ACADM: variants seen among roughly 807,000 people sequenced by gnomAD.
ACADM encodes the protein medium-chain specific acyl-CoA dehydrogenase, mitochondrial.
In ACADM, 49 loss-of-function variants were observed where a neutral mutation model predicts 58.9. The observed-to-expected ratio is 0.83, with a 90% CI of 0.66 to 1.06. The LOEUF (loss-of-function observed/expected upper bound fraction) is 1.06. ACADM is among the 50% of genes least tolerant of loss of function. ACADM has a pLI of 0.00. For synonymous variants in ACADM, 160 were observed against 157.7 expected (o/e 1.01, Z -0.11); for missense variants, 496 against 507.0 (o/e 0.98, Z 0.21).
At chr1:75,762,530 T>C (rs1323272726) in intron 11 of ACADM, among the ~76,000 whole-genome samples, 162 bp from the exon 12 acceptor site, 1 of 152,170 alleles carries the variant, frequency 6.6e-6, no homozygotes, top group Non-Finnish European at 1.5e-5. Context: ...TTTCAGACTT[T>C]CACAAAATCA....
intron 10 of ACADM, among the ~76,000 whole-genome samples, chr1:75,760,828 A>G (rs904752264): frequency 1.4e-4 from 21 of 152,320 alleles, no homozygotes; most frequent in African/African-American, 4.6e-4. Context: ...GTTCTCGATC[A>G]TGGCACTATG....
intron 11 of ACADM, 173 bp downstream of exon 11, chr1:75,761,543 G>T (rs955208153): frequency 4.5e-5 from 32 of 710,828 alleles, no homozygotes; most frequent in Admixed American, 1.7e-4. Context: ...TGTTATTTGT[G>T]ATTAAGTATA....
At chr1:75,743,846 A>G (rs1647728369) in intron 7 of ACADM, 2 of 1,408,928 alleles carry the variant, frequency 1.4e-6, no homozygotes, top group Middle Eastern at 1.8e-4. Flanking sequence ...TAATCCCTAT[A>G]TACCACCTCT....
At chr1:75,743,623 A>T in intron 7 of ACADM, 1 of 1,550,832 alleles carries the variant, frequency 6.4e-7, no homozygotes, top group South Asian at 1.1e-5. Context: ...GGGGGTTGAT[A>T]ATGGGTGTTC....
intron 5 of ACADM, chr1:75,734,487 C>T: frequency 5.7e-6 from 2 of 353,634 alleles, no homozygotes; most frequent in Non-Finnish European, 1.1e-5. Flanking sequence ...ACAAGCAATT[C>T]TTAGGCCTGA....
At chr1:75,729,294 T>TC (rs1196527713) in intron 2 of ACADM, among the ~76,000 whole-genome samples, 1 of 107,462 alleles carries the variant, frequency 9.3e-6, no homozygotes, top group Non-Finnish European at 1.9e-5. Context: ...CTTTCTTTTT[T>TC]CTTTTTTTTT....
chr1:75,726,323 C>G (rs528163181), intron 1 of ACADM, among the ~76,000 whole-genome samples: 1 of 150,128 alleles, frequency 6.7e-6, no homozygotes, highest in Non-Finnish European at 1.5e-5. Flanking sequence ...GAGCGGAGAT[C>G]TCTCCACCGC....
In ACADM at chr1:75,745,817, T is replaced by C. The variant is rs1406563260; in HGVS notation, c.611T>C (p.Leu204Ser). The C allele has an allele frequency of 6.2e-7, 1 of 1,613,276 alleles. No individual in the cohort carries two copies. The highest frequency in any genetic ancestry group is 8.5e-7 in the Non-Finnish European group (1 of 1,179,288). The change falls in exon 8 of 12, where the codon TTG becomes TCG. Residue 204 changes from leucine (L) to serine (S), a missense_variant. By Grantham distance (145) the Leu-to-Ser change is moderately radical. Transcript: ENST00000370841. ...NGGKANWYFL[L>S]ARSDPDPKAP... Reference sequence around the variant, plus strand: ...TGTGTATCTCTTAGGTATTTTTTATTGGCACGTTCTGATCCAGATCCTAAA... The same window carrying C: ...TGTGTATCTCTTAGGTATTTTTTATCGGCACGTTCTGATCCAGATCCTAAA...
intron 10 of ACADM, among the ~76,000 whole-genome samples, chr1:75,759,197 C>G (rs962186654): frequency 2.0e-5 from 3 of 152,206 alleles, no homozygotes; most frequent in Non-Finnish European, 4.4e-5. Context: ...TGGAAGGAAC[C>G]AACTCTGGAC....
At chr1:75,755,352 A>G (rs1196171713) in intron 10 of ACADM, among the ~76,000 whole-genome samples, 1 of 151,866 alleles carries the variant, frequency 6.6e-6, no homozygotes, top group Non-Finnish European at 1.5e-5. Context: ...ACTGGGAGAG[A>G]CCTCCCAGTA....
chr1:75,760,264 C>CAAAAA (rs764807575), intron 10 of ACADM, among the ~76,000 whole-genome samples: 8 of 51,182 alleles, frequency 1.6e-4, no homozygotes, highest in East Asian at 4.9e-4. Context: ...ACTAAAAATA[C>CAAAAA]AAAAAAAAAA....
chr1:75,725,022 C>G (rs530591920), intron 1 of ACADM, among the ~76,000 whole-genome samples: 7 of 152,174 alleles, frequency 4.6e-5, no homozygotes, highest in Admixed American at 1.3e-4. Flanking sequence ...CGTATCCTCC[C>G]GTCAGGCGAC....
intron 6 of ACADM, among the ~76,000 whole-genome samples, chr1:75,735,231 G>A (rs972100060): frequency 2.0e-5 from 3 of 147,724 alleles, no homozygotes; most frequent in Admixed American, 7.0e-5. Flanking sequence ...CATAAGAATC[G>A]CTTGAACCCG....
chr1:75,728,419 C>G lies in ACADM; in HGVS notation c.49C>G (p.Arg17Gly). 1 of 1,612,964 alleles carries G rather than the reference C, an allele frequency of 6.2e-7. No homozygotes were observed. The highest frequency in any genetic ancestry group is 1.1e-5 in the South Asian group (1 of 90,932). Residue 17 changes from arginine to glycine, a missense_variant, in exon 2 of 12, where the codon CGT becomes GGT. Physicochemically the swap from Arg to Gly is moderately radical, Grantham distance 125. Coordinates refer to ENST00000370841, the MANE Select transcript of ACADM (RefSeq NM_000016.6). ...TTTACAGGTCCTGAGAAGTATTTCTCGTTTTCATTGGAGATCACAGCATAC... is the reference window on the plus strand; with the variant it reads ...TTTACAGGTCCTGAGAAGTATTTCTGGTTTTCATTGGAGATCACAGCATAC... The part of the protein sequence containing the change: ...RCCRVLRSIS[R>G]FHWRSQHTKA...
chr1:75,757,330 A>G (rs1469833290), intron 10 of ACADM, among the ~76,000 whole-genome samples: 3 of 152,236 alleles, frequency 2.0e-5, no homozygotes, highest in South Asian at 2.1e-4. Context: ...GCTAATATCC[A>G]GAATCTACAA....
At chr1:75,758,651 C>T (rs533108943) in intron 10 of ACADM, among the ~76,000 whole-genome samples, 1 of 152,196 alleles carries the variant, frequency 6.6e-6, no homozygotes, top group East Asian at 1.9e-4. Context: ...GGATTGTAAA[C>T]ACACCAATCA....
intron 6 of ACADM, among the ~76,000 whole-genome samples, chr1:75,738,520 C>T (rs534849075): frequency 5.3e-5 from 8 of 152,260 alleles, no homozygotes; most frequent in East Asian, 1.9e-4. Flanking sequence ...TCAGCCACCA[C>T]GCCCGGCCCT....
chr1:75,739,887 T>G, intron 6 of ACADM, 93 bp from the exon 7 acceptor site: 1 of 900,846 alleles, frequency 1.1e-6, no homozygotes, highest in Non-Finnish European at 1.6e-6. Context: ...ATATTTAAAA[T>G]ACAGCTTAAA....
At chr1:75,730,446 A>G (rs747098171) in intron 2 of ACADM, among the ~76,000 whole-genome samples, 1 of 152,112 alleles carries the variant, frequency 6.6e-6, no homozygotes, top group Non-Finnish European at 1.5e-5. Context: ...TTCTATGAAG[A>G]TTAAATTATA....
Sources: gnomAD v4.1 joint callset for allele counts (sites outside exome capture counted in the v4.1 genomes callset) on GRCh38, gnomAD v4.1.1 for gene constraint, MANE v1.5 for transcripts, NCBI Gene and HGNC (gene_info 2026-07-23, HGNC 2026-07-21) for gene names.